Variants in KIAA1549L observed in about 807,000 individuals in gnomAD.
KIAA1549L encodes KIAA1549 like, also known as UPF0606 protein KIAA1549L.
KIAA1549L carries 88 observed loss-of-function variants against 160.7 expected under a neutral mutation model. The observed-to-expected ratio is 0.55, with a 90% CI of 0.46 to 0.65. The LOEUF (loss-of-function observed/expected upper bound fraction) is 0.65, where lower values mean the gene tolerates loss of function less well. Ranked by LOEUF, KIAA1549L falls within the 30% of genes least tolerant of loss-of-function variation. The pLI, the probability that KIAA1549L is intolerant of heterozygous loss-of-function variation, is 0.00. For synonymous variants in KIAA1549L, 950 were observed against 976.7 expected (o/e 0.97, Z 0.51); for missense variants, 2,258 against 2,437.5 (o/e 0.93, Z 1.55).
chr11:33,515,128 T>G (rs1222983700), intron 1 of KIAA1549L, among the ~76,000 whole-genome samples: 2 of 152,154 alleles, frequency 1.3e-5, no homozygotes, highest in Non-Finnish European at 2.9e-5. Flanking sequence ...TTGCAGTGAA[T>G]AAAAGCCACC....
chr11:33,557,827 C>T (rs1190116239), intron 6 of KIAA1549L, among the ~76,000 whole-genome samples: 1 of 151,988 alleles, frequency 6.6e-6, no homozygotes, highest in Non-Finnish European at 1.5e-5. Flanking sequence ...TTCAAGGGTT[C>T]AGTGAGCTAC....
intron 1 of KIAA1549L, among the ~76,000 whole-genome samples, chr11:33,430,197 TTCCCTCCCTCTC>T (rs1312536907): frequency 7.4e-6 from 1 of 134,746 alleles, no homozygotes; most frequent in African/African-American, 2.9e-5. Flanking sequence ...CCTCCCTTCT[TTCCCTCCCTCTC>T]TCCCTCCCTC....
chr11:33,487,302 G>T (rs1290601134), intron 1 of KIAA1549L, among the ~76,000 whole-genome samples: 1 of 152,044 alleles, frequency 6.6e-6, no homozygotes, highest in East Asian at 1.9e-4. Flanking sequence ...GGGACTGTGA[G>T]ATGGAAGGTG....
intron 1 of KIAA1549L, among the ~76,000 whole-genome samples, chr11:33,511,921 G>A (rs912931905): frequency 6.6e-6 from 1 of 152,212 alleles, no homozygotes; most frequent in African/African-American, 2.4e-5. Context: ...GCTCTGCCTA[G>A]CACATTATGA....
intron 1 of KIAA1549L, among the ~76,000 whole-genome samples, chr11:33,512,577 C>T (rs985619468): frequency 6.6e-6 from 1 of 152,018 alleles, no homozygotes. Flanking sequence ...TACCTGCTAC[C>T]ACCCCCAGAT....
At chr11:33,435,767 T>C (rs936448768) in intron 1 of KIAA1549L, among the ~76,000 whole-genome samples, 24 of 8,268 alleles carry the variant, frequency 2.9e-3, no homozygotes, top group African/African-American at 0.017. Flanking sequence ...AAGATATATA[T>C]ATATATATAT....
intron 10 of KIAA1549L, among the ~76,000 whole-genome samples, chr11:33,575,142 T>C (rs1460519084): frequency 6.6e-6 from 1 of 152,158 alleles, no homozygotes; most frequent in African/African-American, 2.4e-5. Context: ...GCTATGAAAA[T>C]CACTATAGCT....
rs1854068381 is a variant in KIAA1549L, at chr11:33,542,727, G to C, written c.1164G>C (p.Gln388His). ...CTTCAGGTCCTGCATCCACCCAGCA[G>C]ATCAAAGCTGGGGTGCCTGGAAGAG... ...EVASGPASTQQIKAGVPGRVH... is the reference protein window; with the variant it reads ...EVASGPASTQHIKAGVPGRVH... The change falls in exon 2 of 21, where the codon CAG becomes CAC. Residue 388 changes from glutamine (Q) to histidine (H), a missense_variant. Physicochemically the swap from Gln to His is conservative, Grantham distance 24. Around this residue, in one of 6 missense-constraint regions of KIAA1549L, gnomAD observed 540 missense variants for 465.7 expected, o/e 1.16. Coordinates refer to ENST00000658780, the MANE Select transcript of KIAA1549L (RefSeq NM_012194.3). 6.2e-7 allele frequency: 1 copy of C among 1,614,000 alleles called. No homozygotes were observed. Among genetic ancestry groups the C allele is most frequent in the Non-Finnish European group, 8.5e-7 (1 of 1,179,876 alleles).
chr11:33,587,588 A>T (rs1849920299), intron 11 of KIAA1549L, among the ~76,000 whole-genome samples: 1 of 152,242 alleles, frequency 6.6e-6, no homozygotes, highest in South Asian at 2.1e-4. Flanking sequence ...TACCAAACAT[A>T]CACAGGGATT....
intron 1 of KIAA1549L, among the ~76,000 whole-genome samples, chr11:33,382,003 T>C (rs1259728058): frequency 6.6e-6 from 1 of 152,176 alleles, no homozygotes; most frequent in Admixed American, 6.5e-5. Flanking sequence ...AAATGTTTAT[T>C]CAAGTGGAGA....
In KIAA1549L at chr11:33,660,994, C is replaced by G; in HGVS notation, c.6139C>G (p.Pro2047Ala). 1 of 1,610,464 alleles carries G rather than the reference C, an allele frequency of 6.2e-7. No individual in the cohort carries two copies. The highest frequency in any genetic ancestry group is 1.1e-5 in the South Asian group (1 of 90,290). ...WMSYAGENEL[P>A]SQWADSVPLP... is the part of the protein sequence containing the mutation. ...GTCCTATGCAGGAGAGAATGAGCTC[C>G]CGAGCCAGTGGGCAGATTCGGTGAG... The change falls in exon 20 of 21, where the codon CCG becomes GCG. Residue 2047 changes from proline (P) to alanine (A), a missense_variant. Pro to Ala is a conservative substitution (Grantham distance 27). Transcript: ENST00000658780.
chr11:33,528,989 A>G (rs1358717909), intron 1 of KIAA1549L, among the ~76,000 whole-genome samples: 1 of 152,208 alleles, frequency 6.6e-6, no homozygotes, highest in Non-Finnish European at 1.5e-5. Context: ...AAAATTTAAG[A>G]AACCAAAACT....
At chr11:33,506,119 T>C (rs2133096489) in intron 1 of KIAA1549L, among the ~76,000 whole-genome samples, 1 of 152,344 alleles carries the variant, frequency 6.6e-6, no homozygotes, top group East Asian at 1.9e-4. Flanking sequence ...CTAACTCTAA[T>C]AACTGTGTTT....
chr11:33,631,078 A>G (rs2133375893), intron 16 of KIAA1549L, among the ~76,000 whole-genome samples: 1 of 152,320 alleles, frequency 6.6e-6, no homozygotes, highest in South Asian at 2.1e-4. Flanking sequence ...TCTGTCCCAC[A>G]GCCACTGCCC....
At chr11:33,614,531 GATATATATATATATATATAT>G (rs780446812) in intron 15 of KIAA1549L, among the ~76,000 whole-genome samples, 818 of 27,082 alleles carry the variant, frequency 0.03, 155 homozygotes, top group Admixed American at 0.11. Context: ...AGTGTAACAA[GATATATATATATATATATAT>G]ATATATATAT....
At chr11:33,561,008 T>A (rs1854840291) in intron 7 of KIAA1549L, among the ~76,000 whole-genome samples, 1 of 152,214 alleles carries the variant, frequency 6.6e-6, no homozygotes, top group Non-Finnish European at 1.5e-5. Flanking sequence ...CAACTACGAT[T>A]TATTGAGCAC....
intron 1 of KIAA1549L, among the ~76,000 whole-genome samples, chr11:33,389,820 G>A (rs541454514): frequency 2.0e-5 from 3 of 152,306 alleles, no homozygotes; most frequent in African/African-American, 4.8e-5. Flanking sequence ...ACTACTCTAA[G>A]AGAGGGTTGA....
At chr11:33,614,556 A>G (rs1318355669) in intron 15 of KIAA1549L, among the ~76,000 whole-genome samples, 1 of 11,148 alleles carries the variant, frequency 9.0e-5, no homozygotes, top group East Asian at 1.8e-3. Context: ...ATATATATAT[A>G]TATATATATA....
At chr11:33,666,361 C>T (rs1234919621) in intron 20 of KIAA1549L, among the ~76,000 whole-genome samples, 1 of 152,214 alleles carries the variant, frequency 6.6e-6, no homozygotes, top group African/African-American at 2.4e-5. Flanking sequence ...TCAGTACGCC[C>T]ATACATTTTG....
Sources: allele counts gnomAD v4.1 joint callset (sites outside exome capture counted in the v4.1 genomes callset), GRCh38; gene constraint gnomAD v4.1.1; regional missense constraint gnomAD v4.1.1; transcripts MANE v1.5; gene names NCBI Gene and HGNC (gene_info 2026-07-23, HGNC 2026-07-21).